The following WASF3 variants were observed in gnomAD, a reference collection of about 807,000 sequenced individuals.
WASF3 encodes WASP family member 3.
WASF3 carries 11 observed loss-of-function variants against 46.6 expected under a neutral mutation model. The observed-to-expected ratio is 0.24, with a 90% confidence interval of 0.15 to 0.39. The LOEUF (loss-of-function observed/expected upper bound fraction) is 0.39. Among genes scored for constraint, WASF3 ranks in the 10% least tolerant of loss-of-function variants. The pLI is 1.00. For synonymous variants in WASF3, 242 were observed against 259.7 expected, an observed-to-expected ratio of 0.93 and a Z score of 0.65; for missense variants, 576 against 669.8, an observed-to-expected ratio of 0.86 and a Z score of 1.55.
At chr13:26,684,518 G>A (rs578249690) in intron 9 of WASF3, among the ~76,000 whole-genome samples, 2 of 152,302 alleles carry the variant, frequency 1.3e-5, no homozygotes, top group African/African-American at 4.8e-5. Flanking sequence ...TGAACCAGGG[G>A]ATAATCTTTT....
intron 3 of WASF3, among the ~76,000 whole-genome samples, chr13:26,662,936 G>A (rs1882674102): frequency 6.6e-6 from 1 of 152,192 alleles, no homozygotes; most frequent in Admixed American, 6.5e-5. Context: ...ACGAGGAGCA[G>A]TAAAGAATTT....
At chr13:26,553,803 C>T (rs547835704), upstream of WASF3, among the ~76,000 whole-genome samples, 52 of 139,734 alleles carry the variant, frequency 3.7e-4, 1 homozygote, top group Admixed American at 8.7e-4. Context: ...GGCGACAGAG[C>T]GAGACTCCAT....
At position 26,659,964 on chromosome 13, in the gene WASF3, G is replaced by A. The variant is rs149129276; in HGVS notation, c.134-5064G>A. 4.3e-4 allele frequency among the ~76,000 whole-genome samples: 66 copies of A among 152,250 alleles called. No homozygotes were observed. In the East Asian group the frequency reaches 0.012, roughly 29 times the overall value. On this transcript the variant is annotated intron_variant, in intron 3 of 9. Transcript: ENST00000335327. Reference sequence around the variant, plus strand: ...TTTGATACATGCATCAGGATCTCAGGAAGAGGCCCATCTGGAGGTAGAAAT... The same window carrying A: ...TTTGATACATGCATCAGGATCTCAGAAAGAGGCCCATCTGGAGGTAGAAAT...
chr13:26,606,223 C>G (rs112383784), intron 1 of WASF3, among the ~76,000 whole-genome samples: 263 of 152,326 alleles, frequency 1.7e-3, no homozygotes, highest in Non-Finnish European at 3.3e-3. Context: ...TGTAGCCTCA[C>G]AGGAGACAGA....
intron 1 of WASF3, among the ~76,000 whole-genome samples, chr13:26,596,112 C>CTTT (rs56150729): frequency 1.9e-5 from 2 of 105,388 alleles, no homozygotes; most frequent in East Asian, 2.8e-4. Flanking sequence ...GTAAGTGATC[C>CTTT]TTTTTTTTTT....
intron 2 of WASF3, among the ~76,000 whole-genome samples, chr13:26,621,934 T>G (rs983087477): frequency 4.6e-5 from 7 of 152,076 alleles, no homozygotes; most frequent in South Asian, 2.1e-4. Flanking sequence ...AAGGCCACAC[T>G]GAGGGGAAAG....
chr13:26,571,564 A>G (rs1225889116), intron 1 of WASF3, among the ~76,000 whole-genome samples: 4 of 152,124 alleles, frequency 2.6e-5, no homozygotes, highest in African/African-American at 4.8e-5. Context: ...AGCTGGGTCT[A>G]TTTTTGGGCG....
the WASF3 span, among the ~76,000 whole-genome samples, chr13:26,544,506 A>G: frequency 6.6e-6 from 1 of 152,228 alleles, no homozygotes; most frequent in East Asian, 1.9e-4. Flanking sequence ...GCCCGCTAGT[A>G]TTATCAAAAG....
intron 2 of WASF3, among the ~76,000 whole-genome samples, chr13:26,633,772 T>G (rs1031696041): frequency 1.3e-5 from 2 of 152,224 alleles, no homozygotes; most frequent in Admixed American, 6.5e-5. Context: ...AGGAGCAGGT[T>G]GTTCAGTTTC....
intron 3 of WASF3, among the ~76,000 whole-genome samples, chr13:26,655,849 C>G (rs1310354774): frequency 6.6e-6 from 1 of 152,102 alleles, no homozygotes; most frequent in African/African-American, 2.4e-5. Flanking sequence ...CTTCTGTGTC[C>G]TTTTGACATC....
At chr13:26,629,065 T>TC (rs1486096842) in intron 2 of WASF3, among the ~76,000 whole-genome samples, 1 of 152,216 alleles carries the variant, frequency 6.6e-6, no homozygotes, top group African/African-American at 2.4e-5. Flanking sequence ...GACCATTGGA[T>TC]CCTGTCGATG....
At chr13:26,597,553 A>G (rs1880508124) in intron 1 of WASF3, among the ~76,000 whole-genome samples, 1 of 151,972 alleles carries the variant, frequency 6.6e-6, no homozygotes, top group African/African-American at 2.4e-5. Context: ...ACATATGTAT[A>G]TATGTGCCAT....
chr13:26,642,289 A>T lies in WASF3; in HGVS notation c.19A>T (p.Asn7Tyr), dbSNP rs747359757. Residue 7 changes from asparagine (N) to tyrosine (Y), a missense_variant, in exon 3 of 10, where the codon AAC becomes TAC. Asn to Tyr is a moderately radical substitution (Grantham distance 143). Coordinates refer to ENST00000335327, the MANE Select transcript of WASF3 (RefSeq NM_006646.6). MPLVKR[N>Y]IEPRHLCRGA... Reference sequence around the variant, plus strand: ...GTGAACCATGCCTTTAGTGAAGAGGAACATTGAGCCCCGGCACTTGTGCCG... The same window carrying T: ...GTGAACCATGCCTTTAGTGAAGAGGTACATTGAGCCCCGGCACTTGTGCCG... The T allele has an allele frequency of 4.4e-6, 7 of 1,580,962 alleles. No homozygotes were observed. In the South Asian group the frequency reaches 7.1e-5, roughly 16 times the overall value.
chr13:26,645,927 T>G (rs533115957), intron 3 of WASF3, among the ~76,000 whole-genome samples: 12 of 152,214 alleles, frequency 7.9e-5, no homozygotes, highest in African/African-American at 2.7e-4. Flanking sequence ...AAAACCAGCC[T>G]TTTGAAAGAT....
In WASF3 at chr13:26,687,017, CT is replaced by C. The variant is rs1408267007; in HGVS notation, c.*1173del. Reference sequence around the variant, plus strand: ...TGGCACATTAAATGATAAAAAGCACCTCATGAGATTCCCTTGATCAGCCCTG... The same window carrying C: ...TGGCACATTAAATGATAAAAAGCACCCATGAGATTCCCTTGATCAGCCCTG... On this transcript the variant is annotated 3_prime_UTR_variant, in exon 10 of 10. Coordinates refer to ENST00000335327, the MANE Select transcript of WASF3 (RefSeq NM_006646.6). 1 of 152,298 alleles carries C rather than the reference CT, an allele frequency of 6.6e-6. No homozygotes were observed. Among genetic ancestry groups the C allele is most frequent in the Non-Finnish European group, 1.5e-5 (1 of 68,100 alleles). The allele number at this position is 152,298 out of a possible 1,614,324, so 9.4% of individuals were successfully genotyped here.
chr13:26,683,076 G>T (rs939431269), intron 9 of WASF3, 102 bp downstream of exon 9: 17 of 1,474,198 alleles, frequency 1.2e-5, no homozygotes, highest in African/African-American at 2.8e-5. Flanking sequence ...TACTCACTAC[G>T]TTTTTTAAAA....
chr13:26,576,992 C>T (rs1281368656), intron 1 of WASF3: 5 of 711,612 alleles, frequency 7.0e-6, no homozygotes, highest in Admixed American at 4.0e-5. Flanking sequence ...GTGAAAGCAC[C>T]TTCTGTGTTC....
At chr13:26,560,340 A>G (rs757895442) in intron 1 of WASF3, among the ~76,000 whole-genome samples, 2 of 152,160 alleles carry the variant, frequency 1.3e-5, no homozygotes, top group Non-Finnish European at 2.9e-5. Context: ...AAAATAAACA[A>G]TATCAACACA....
chr13:26,557,470 G>A (rs905968822), upstream of WASF3, among the ~76,000 whole-genome samples: 2 of 151,852 alleles, frequency 1.3e-5, no homozygotes, highest in African/African-American at 4.8e-5. Context: ...TCCCGAGCTG[G>A]GGGCGGAGGA....
Sources: gnomAD v4.1 joint callset for allele counts (sites outside exome capture counted in the v4.1 genomes callset) on GRCh38, gnomAD v4.1.1 for gene constraint, MANE v1.5 for transcripts, NCBI Gene and HGNC (gene_info 2026-07-23, HGNC 2026-07-21) for gene names.